CCDC85C: variants seen among roughly 807,000 people sequenced by gnomAD.
CCDC85C encodes the protein coiled-coil domain containing 85C.
CCDC85C carries 18 observed loss-of-function variants against 38.3 expected under a neutral mutation model. That is an observed-to-expected ratio of 0.47 (90% CI 0.33 to 0.70). The LOEUF (loss-of-function observed/expected upper bound fraction) is 0.70, where lower values mean the gene tolerates loss of function less well. CCDC85C is among the 30% of genes least tolerant of loss of function. The pLI is 0.03. For missense variants in CCDC85C, 566 were observed against 621.2 expected (o/e 0.91, Z 0.94); for synonymous variants, 264 against 293.8 (o/e 0.90, Z 1.04).
In CCDC85C at chr14:99,506,679, C is replaced by A; in HGVS notation, c.*8567G>T. ...ATTCTCTTGTGGAACCCTCAGGGGACTCAGTGACATGATGTTGCTACTCTG... is the reference window on the plus strand; with the variant it reads ...ATTCTCTTGTGGAACCCTCAGGGGAATCAGTGACATGATGTTGCTACTCTG... On this transcript the variant is annotated 3_prime_UTR_variant, in exon 6 of 6. Coordinates refer to ENST00000380243, the MANE Select transcript of CCDC85C (RefSeq NM_001144995.2). 5.4e-6 allele frequency: 1 copy of A among 186,534 alleles called. No individual in the cohort carries two copies. Among genetic ancestry groups the A allele is most frequent in the Non-Finnish European group, 1.1e-5 (1 of 88,244 alleles). The allele number at this position is 186,534 out of a possible 1,614,324, so 11.6% of individuals were successfully genotyped here. A position where few individuals can be genotyped will look rare whatever the true frequency, so the allele number is the denominator to read the frequency against.
chr14:99,503,604 G>C lies in CCDC85C; in HGVS notation c.*11642C>G, dbSNP rs1288409311. 7.1e-6 allele frequency: 11 copies of C among 1,556,810 alleles called. No homozygotes were observed. Among genetic ancestry groups the C allele is most frequent in the Middle Eastern group, 1.7e-4 (1 of 6,010 alleles). On this transcript the variant is annotated 3_prime_UTR_variant, in exon 6 of 6. Transcript: ENST00000380243. The stretch of plus-strand genomic sequence containing the variant: ...AGTTAACAATTGTGTATTTTCTTTT[G>C]TAACAGGTTGTTTCTCCCAAAGAAG...
chr14:99,519,099 C>CTTTTTTT lies in CCDC85C; in HGVS notation c.976-1923_976-1917dup, dbSNP rs59524541. 1.1e-4 allele frequency among the ~76,000 whole-genome samples: 6 copies of CTTTTTTT among 52,220 alleles called. 1 individual carries two copies. The highest frequency in any genetic ancestry group is 2.5e-4 in the African/African-American group (3 of 12,114). 34.3% of individuals were successfully genotyped at this position (52,220 alleles called of 152,430 possible). Reference sequence around the variant, plus strand: ...TATCTTTTTACATGTTCATACATGCCTTTTTTTTTTTTTTTTTTTTTTTTT... The same window carrying CTTTTTTT: ...TATCTTTTTACATGTTCATACATGCCTTTTTTTTTTTTTTTTTTTTTTTTTTTTTTTT... On this transcript the variant is annotated intron_variant, in intron 3 of 5. Transcript: ENST00000380243.
At position 99,520,432 on chromosome 14, in the gene CCDC85C, GCCCCGATCACGGC is replaced by G. The variant is rs1897286753; in HGVS notation, c.975+1688_975+1700del. Among the ~76,000 whole-genome samples the G allele has an allele frequency of 1.1e-4, 16 of 148,880 alleles. 1 individual carries two copies. The Middle Eastern group carries it at 0.017, about 159-fold the overall frequency. On this transcript the variant is annotated intron_variant, in intron 3 of 5. Coordinates refer to ENST00000380243, the MANE Select transcript of CCDC85C (RefSeq NM_001144995.2). The surrounding 1 kb of genome is among the most constrained non-coding windows in gnomAD (Gnocchi z 4.1). ...CTCCTGGGGGCCTGCCCGCCGACCA[GCCCCGATCACGGC>G]CCCTGCACCTCAGTTCATCCCATTC...
At chr14:99,566,329 GTT>G (rs1258639257) in intron 1 of CCDC85C, among the ~76,000 whole-genome samples, 1 of 94,316 alleles carries the variant, frequency 1.1e-5, no homozygotes, top group African/African-American at 2.9e-5. Flanking sequence ...TCAGTGCCCT[GTT>G]TTACAGGTGG....
rs867355765 is a variant in CCDC85C, at chr14:99,603,077, G to A, written c.793+90C>T. 1.7e-5 allele frequency: 21 copies of A among 1,260,340 alleles called. No individual in the cohort carries two copies. The African/African-American group carries it at 3.1e-4, about 19-fold the overall frequency. The allele number at this position is 1,260,340 out of a possible 1,614,324, so 78.1% of individuals were successfully genotyped here. On this transcript the variant is annotated intron_variant, in intron 1 of 5. Transcript: ENST00000380243. This position sits in a 1 kb window ranked among gnomAD's most constrained non-coding sequence, Gnocchi z 7.5. ...GTCTGGAGTGGCGGCCGCATGAGTGGGACAGCCAGGGACCACCTCCTCTCG... is the reference window on the plus strand; with the variant it reads ...GTCTGGAGTGGCGGCCGCATGAGTGAGACAGCCAGGGACCACCTCCTCTCG...
At chr14:99,546,521 T>A (rs1367020959) in intron 1 of CCDC85C, among the ~76,000 whole-genome samples, 1 of 152,028 alleles carries the variant, frequency 6.6e-6, no homozygotes, top group Non-Finnish European at 1.5e-5. Context: ...GGCGGTTCCA[T>A]CTGGCAGCAG....
At chr14:99,602,317 C>T (rs1014103628) in intron 1 of CCDC85C, among the ~76,000 whole-genome samples, 2 of 152,236 alleles carry the variant, frequency 1.3e-5, no homozygotes, top group South Asian at 2.1e-4. Context: ...GTAACATGGG[C>T]GTAGAAGACA....
At chr14:99,526,610 C>T (rs1897389669) in intron 2 of CCDC85C, among the ~76,000 whole-genome samples, 1 of 151,926 alleles carries the variant, frequency 6.6e-6, no homozygotes, top group Admixed American at 6.5e-5. Context: ...GAAGTGGGGG[C>T]AAGGCCAGGG....
rs1897084145 is a variant in CCDC85C, at chr14:99,510,143, T to A, written c.*5103A>T. 3 of 1,589,852 alleles carry A rather than the reference T, an allele frequency of 1.9e-6. No homozygotes were observed. Among genetic ancestry groups the A allele is most frequent in the Non-Finnish European group, 2.6e-6 (3 of 1,172,362 alleles). ...CTGGCGGAGGCCGGGCACTGATGCG[T>A]CTCTCTCCTGCAGACCGGAAGCCTC... On this transcript the variant is annotated 3_prime_UTR_variant, in exon 6 of 6. Transcript: ENST00000380243.
In CCDC85C at chr14:99,510,885, C is replaced by A; in HGVS notation, c.*4361G>T. ...GCAGGGTACCTTGTATAATGCACGA[C>A]AGTTGCAGTATGGGAAGAATGGACC... On this transcript the variant is annotated 3_prime_UTR_variant, in exon 6 of 6. Coordinates refer to ENST00000380243, the MANE Select transcript of CCDC85C (RefSeq NM_001144995.2). The A allele has an allele frequency of 9.9e-7, 1 of 1,007,122 alleles. No homozygotes were observed. Among genetic ancestry groups the A allele is most frequent in the Non-Finnish European group, 1.3e-6 (1 of 759,030 alleles). 62.4% of individuals were successfully genotyped at this position (1,007,122 alleles called of 1,614,324 possible).
In CCDC85C at chr14:99,572,711, A is replaced by G. The variant is rs979967215; in HGVS notation, c.793+30456T>C. On this transcript the variant is annotated intron_variant, in intron 1 of 5. Transcript: ENST00000380243. The surrounding 1 kb of genome is among the most constrained non-coding windows in gnomAD (Gnocchi z 4.4). The stretch of plus-strand genomic sequence containing the variant: ...CCACCATCTGTTTTCTGCTCTTCCT[A>G]GCACTCACCAGGATATGAAACTGTC... The G allele has an allele frequency of 4.4e-6, 2 of 456,010 alleles. No homozygotes were observed. The highest frequency in any genetic ancestry group is 8.8e-6 in the Non-Finnish European group (2 of 226,784). The allele number at this position is 456,010 out of a possible 1,614,324, so 28.2% of individuals were successfully genotyped here. A position where few individuals can be genotyped will look rare whatever the true frequency, so the allele number is the denominator to read the frequency against.
At position 99,504,124 on chromosome 14, in the gene CCDC85C, A is replaced by G; in HGVS notation, c.*11122T>C. ...TGGGTTGAGGTGCTGTCACATGTCT[A>G]GAACCCAAAGTTAGTTCATGTCAAT... On this transcript the variant is annotated 3_prime_UTR_variant, in exon 6 of 6. Transcript: ENST00000380243. 1 of 338,066 alleles carries G rather than the reference A, an allele frequency of 3.0e-6. No homozygotes were observed. 20.9% of individuals were successfully genotyped at this position (338,066 alleles called of 1,614,324 possible).
intron 1 of CCDC85C, among the ~76,000 whole-genome samples, chr14:99,600,584 C>T (rs1194602255): frequency 1.3e-5 from 2 of 152,208 alleles, no homozygotes; most frequent in African/African-American, 4.8e-5. Context: ...GGCCTGAACA[C>T]GAGATGATCA....
chr14:99,577,521 C>G (rs959671551), intron 1 of CCDC85C, among the ~76,000 whole-genome samples: 1 of 151,878 alleles, frequency 6.6e-6, no homozygotes, highest in African/African-American at 2.4e-5. Flanking sequence ...AAATGGGCTC[C>G]GGGACACCCC....
At chr14:99,591,243 C>T (rs929530483) in intron 1 of CCDC85C, among the ~76,000 whole-genome samples, 3 of 152,248 alleles carry the variant, frequency 2.0e-5, no homozygotes, top group Admixed American at 1.3e-4. Context: ...CGGCTGGGAA[C>T]CAGTTGGCTG....
intron 2 of CCDC85C, among the ~76,000 whole-genome samples, chr14:99,531,443 G>A (rs1014088524): frequency 1.2e-4 from 18 of 152,166 alleles, no homozygotes; most frequent in Non-Finnish European, 2.2e-4. Flanking sequence ...ATGAATCATC[G>A]TGGAGGAAGC....
rs899591857 is a variant in CCDC85C, at chr14:99,572,056, A to T, written c.793+31111T>A. ...CTTCCACGGGGCATCTCAGAGCGTG[A>T]TCCCCAGAGCCCCCAACCCTAACCC... On this transcript the variant is annotated intron_variant, in intron 1 of 5. Coordinates refer to ENST00000380243, the MANE Select transcript of CCDC85C (RefSeq NM_001144995.2). The surrounding 1 kb of genome is among the most constrained non-coding windows in gnomAD (Gnocchi z 4.4). Among the ~76,000 whole-genome samples the T allele has an allele frequency of 6.6e-6, 1 of 152,026 alleles. No homozygotes were observed. The highest frequency in any genetic ancestry group is 2.4e-5 in the African/African-American group (1 of 41,370).
intron 1 of CCDC85C, among the ~76,000 whole-genome samples, chr14:99,595,971 G>T (rs1206763434): frequency 6.6e-6 from 1 of 152,262 alleles, no homozygotes; most frequent in Non-Finnish European, 1.5e-5. Flanking sequence ...TGGGAGTCAA[G>T]AGGACCAGAG....
chr14:99,510,518 C>A lies in CCDC85C; in HGVS notation c.*4728G>T. 1.3e-6 allele frequency: 1 copy of A among 749,680 alleles called. No homozygotes were observed. The highest frequency in any genetic ancestry group is 2.0e-6 in the Non-Finnish European group (1 of 497,160). 46.4% of individuals were successfully genotyped at this position (749,680 alleles called of 1,614,324 possible). On this transcript the variant is annotated 3_prime_UTR_variant, in exon 6 of 6. Coordinates refer to ENST00000380243, the MANE Select transcript of CCDC85C (RefSeq NM_001144995.2). ...CACCTGTGCCTCCTCCCCCAGCCTC[C>A]TTCCCCCCACCTGCCATCCCACCCC...
Sources: allele counts gnomAD v4.1 joint callset (sites outside exome capture counted in the v4.1 genomes callset), GRCh38; gene constraint gnomAD v4.1.1; non-coding constraint Gnocchi (gnomAD v3.1); transcripts MANE v1.5; gene names NCBI Gene and HGNC (gene_info 2026-07-23, HGNC 2026-07-21).